SPAG7: variants seen among roughly 807,000 people sequenced by gnomAD.
The protein encoded by SPAG7 is sperm-associated antigen 7.
SPAG7 carries 20 observed loss-of-function variants against 30.6 expected under a neutral mutation model. The ratio of observed to expected loss-of-function variants is 0.65; its 90% CI spans 0.46 to 0.95. The LOEUF is 0.95. SPAG7 is among the 40% of genes least tolerant of loss of function. The pLI, the probability that SPAG7 is intolerant of heterozygous loss-of-function variation, is 0.00. For synonymous variants in SPAG7, 127 were observed against 104.2 expected, an observed-to-expected ratio of 1.22 and a Z score of -1.33; for missense variants, 276 against 291.1, an observed-to-expected ratio of 0.95 and a Z score of 0.38.
intron 1 of SPAG7, among the ~76,000 whole-genome samples, chr17:4,961,178 C>T (rs920564326): frequency 2.0e-5 from 3 of 152,292 alleles, no homozygotes; most frequent in Admixed American, 2.0e-4. Flanking sequence ...GAATAATAGA[C>T]CAGGCATGGT....
chr17:4,960,223 A>G lies in SPAG7; in HGVS notation c.327+11T>C, dbSNP rs1258120126. The stretch of plus-strand genomic sequence containing the variant: ...GGGGAGAGGAGAGAATGAGGAATTC[A>G]GGCCCTTTACCTTTTTGAAGATCAT... On this transcript the variant is annotated intron_variant, in intron 4 of 6. Coordinates refer to ENST00000206020, the MANE Select transcript of SPAG7 (RefSeq NM_004890.3). 6 of 1,613,292 alleles carry G rather than the reference A, an allele frequency of 3.7e-6. No homozygotes were observed. Among genetic ancestry groups the G allele is most frequent in the Non-Finnish European group, 5.1e-6 (6 of 1,179,208 alleles).
intron 1 of SPAG7, among the ~76,000 whole-genome samples, chr17:4,967,515 G>A (rs901438182): frequency 1.3e-5 from 2 of 152,192 alleles, no homozygotes; most frequent in African/African-American, 4.8e-5. Flanking sequence ...AGAAGAGGCA[G>A]GAGGCTGGCG....
chr17:4,967,098 G>A (rs1391793793), intron 1 of SPAG7: 42 of 985,550 alleles, frequency 4.3e-5, no homozygotes, highest in Non-Finnish European at 4.7e-5. Flanking sequence ...GACCCGGCGG[G>A]TATTCTCATC....
At chr17:4,967,502 G>A (rs983691988) in intron 1 of SPAG7, among the ~76,000 whole-genome samples, 1 of 152,144 alleles carries the variant, frequency 6.6e-6, no homozygotes, top group Non-Finnish European at 1.5e-5. Flanking sequence ...GGCCAGGGTC[G>A]GGAGAAGAGG....
Position 4,959,744 on chromosome 17 carries a change from C to T in SPAG7, c.574+16G>A, listed in dbSNP as rs776590511. The T allele has an allele frequency of 1.5e-5, 24 of 1,614,058 alleles. No individual in the cohort carries two copies. Among genetic ancestry groups the T allele is most frequent in the South Asian group, 3.3e-5 (3 of 91,096 alleles). Reference sequence around the variant, plus strand: ...TGCTCCTCTCCCAGCCACCCCCAGCCGCACTGTGGCCTCACCACAGCCGTA... The same window carrying T: ...TGCTCCTCTCCCAGCCACCCCCAGCTGCACTGTGGCCTCACCACAGCCGTA... On this transcript the variant is annotated intron_variant, in intron 6 of 6. Transcript: ENST00000206020.
rs1411689981 is a variant in SPAG7, at chr17:4,959,426, A to G, written c.*108T>C. Reference sequence around the variant, plus strand: ...TCCCCCAGCCTGAGGGACAGCTGGTAGGAGGTGGTTCAGAGGTGGGGCTCC... The same window carrying G: ...TCCCCCAGCCTGAGGGACAGCTGGTGGGAGGTGGTTCAGAGGTGGGGCTCC... On this transcript the variant is annotated 3_prime_UTR_variant, in exon 7 of 7. Coordinates refer to ENST00000206020, the MANE Select transcript of SPAG7 (RefSeq NM_004890.3). 6 of 803,138 alleles carry G rather than the reference A, an allele frequency of 7.5e-6. No individual in the cohort carries two copies. The highest frequency in any genetic ancestry group is 1.7e-5 in the African/African-American group (1 of 58,776). 49.8% of individuals were successfully genotyped at this position (803,138 alleles called of 1,614,324 possible). A position where few individuals can be genotyped will look rare whatever the true frequency, so the allele number is the denominator to read the frequency against.
Position 4,959,284 on chromosome 17 carries a change from C to T in SPAG7, c.*250G>A. 1.8e-6 allele frequency: 1 copy of T among 549,802 alleles called. No homozygotes were observed. Among genetic ancestry groups the T allele is most frequent in the South Asian group, 2.5e-5 (1 of 39,454 alleles). 34.1% of individuals were successfully genotyped at this position (549,802 alleles called of 1,614,324 possible). ...CCCCAGCCCCATGGGGAAGAAAATT[C>T]CAAGAACGGGGAATAATACAGATTA... On this transcript the variant is annotated 3_prime_UTR_variant, in exon 7 of 7. Transcript: ENST00000206020.
intron 1 of SPAG7, among the ~76,000 whole-genome samples, chr17:4,962,710 C>A (rs1971883074): frequency 6.6e-6 from 1 of 151,948 alleles, no homozygotes; most frequent in Admixed American, 6.6e-5. Context: ...AATTAGCACC[C>A]AGCTAATTTT....
At chr17:4,964,933 G>T (rs772546664) in intron 1 of SPAG7, among the ~76,000 whole-genome samples, 7 of 138,050 alleles carry the variant, frequency 5.1e-5, no homozygotes, top group Non-Finnish European at 9.2e-5. Flanking sequence ...TTTTGAGATG[G>T]AGTTTCGCTC....
chr17:4,963,841 A>C (rs1259903245), intron 1 of SPAG7, among the ~76,000 whole-genome samples: 3 of 152,114 alleles, frequency 2.0e-5, no homozygotes, highest in Admixed American at 1.3e-4. Context: ...TGAAATAGAT[A>C]ATCTGACACC....
chr17:4,960,510 C>T lies in SPAG7; in HGVS notation c.191G>A (p.Gly64Glu). Residue 64 changes from glycine (G) to glutamate (E), a missense_variant, in exon 3 of 7, where the codon GGG becomes GAG. Transcript: ENST00000206020. The part of the protein sequence containing the change: ...KEVSDFIQDS[G>E]QIKKKFQPMN... ...TGGCTGAAACTTTTTCTTGATCTGCCCACTGTCTTGAATGAAATCTGACAC... is the reference window on the plus strand; with the variant it reads ...TGGCTGAAACTTTTTCTTGATCTGCTCACTGTCTTGAATGAAATCTGACAC... The T allele has an allele frequency of 1.2e-6, 2 of 1,604,138 alleles. No individual in the cohort carries two copies. Among genetic ancestry groups the T allele is most frequent in the Non-Finnish European group, 1.7e-6 (2 of 1,177,216 alleles).
chr17:4,959,618 T>G lies in SPAG7; in HGVS notation c.600A>C (p.Thr200=). Residue 200 remains threonine (T), a synonymous_variant, in exon 7 of 7, where the codon ACA becomes ACC. Transcript: ENST00000206020. ...CATTCATAGCCTCTTCAATGGAGCG[T>G]GTGTCCCTCTTATTGGCCACGGGCA... ...GCVPVANKRD[T]RSIEEAMNEI... is the part of the protein sequence containing the mutation. The G allele has an allele frequency of 1.2e-6, 2 of 1,614,146 alleles. No homozygotes were observed. Among genetic ancestry groups the G allele is most frequent in the Non-Finnish European group, 1.7e-6 (2 of 1,180,024 alleles).
intron 4 of SPAG7, 23 bp downstream of exon 4, chr17:4,960,211 A>T: frequency 1.2e-6 from 2 of 1,610,966 alleles, no homozygotes; most frequent in Non-Finnish European, 1.7e-6. Context: ...GAGAGGAGAG[A>T]ATGAGGAATT....
At chr17:4,962,782 T>C (rs536903497) in intron 1 of SPAG7, among the ~76,000 whole-genome samples, 1 of 151,916 alleles carries the variant, frequency 6.6e-6, no homozygotes, top group East Asian at 2.0e-4. Context: ...ACTCCTGACC[T>C]CGTGATCCGC....
chr17:4,961,097 CTA>C (rs1302251000), intron 1 of SPAG7, among the ~76,000 whole-genome samples: 25 of 152,298 alleles, frequency 1.6e-4, no homozygotes, highest in Non-Finnish European at 1.5e-5. Context: ...CCTATACATA[CTA>C]TGTCTTTTTC....
At chr17:4,965,204 C>T (rs1363715993) in intron 1 of SPAG7, among the ~76,000 whole-genome samples, 1 of 152,196 alleles carries the variant, frequency 6.6e-6, no homozygotes, top group Non-Finnish European at 1.5e-5. Context: ...TGAGCCACCA[C>T]GCCCGCCCAT....
chr17:4,961,093 C>T (rs890178720), intron 1 of SPAG7, among the ~76,000 whole-genome samples: 2 of 152,204 alleles, frequency 1.3e-5, no homozygotes, highest in African/African-American at 4.8e-5. Flanking sequence ...GACCCCTATA[C>T]ATACTATGTC....
In SPAG7 at chr17:4,963,285, G is replaced by A. The variant is rs192698360; in HGVS notation, c.86-2432C>T. Among the ~76,000 whole-genome samples the A allele has an allele frequency of 1.7e-3, 259 of 151,980 alleles. 1 individual carries two copies. The highest frequency in any genetic ancestry group is 3.0e-3 in the Non-Finnish European group (203 of 67,984). On this transcript the variant is annotated intron_variant, in intron 1 of 6. Transcript: ENST00000206020. ...TGCCTGTAGTCCCAGCTACTCGGGA[G>A]GCTGAGGTAGGAAGATCACTTGAGC...
At position 4,967,765 on chromosome 17, in the gene SPAG7, T is replaced by TC. The variant is rs1447099852; in HGVS notation, c.39dup (p.Lys14GlufsTer7). ...TCCTGGTCACCGAGGCTGGGTGGCT[T>TC]CTCCATGGAGCTCAGGATGGAGCCC... On this transcript the variant is annotated frameshift_variant, in exon 1 of 7. Coordinates refer to ENST00000206020, the MANE Select transcript of SPAG7 (RefSeq NM_004890.3). LOFTEE classifies it high-confidence loss of function. 1 of 1,613,890 alleles carries TC rather than the reference T, an allele frequency of 6.2e-7. No individual in the cohort carries two copies. The highest frequency in any genetic ancestry group is 1.3e-5 in the African/African-American group (1 of 74,872).
Sources: gnomAD v4.1 joint callset for allele counts (sites outside exome capture counted in the v4.1 genomes callset) on GRCh38, gnomAD v4.1.1 for gene constraint, MANE v1.5 for transcripts, NCBI Gene and HGNC (gene_info 2026-07-23, HGNC 2026-07-21) for gene names.